Variants in ITGAE observed in about 807,000 individuals in gnomAD.
The protein encoded by ITGAE is integrin alpha-E.
Under a neutral mutation model 136.5 loss-of-function variants are expected in ITGAE, and 99 were observed. That is an observed-to-expected ratio of 0.73 (90% CI 0.62 to 0.86). The LOEUF (loss-of-function observed/expected upper bound fraction) is 0.86. Among genes scored for constraint, ITGAE ranks in the 40% least tolerant of loss-of-function variants. The probability of loss-of-function intolerance (pLI) is 0.00; values close to 1 mark genes in which losing one functional copy is unlikely to be tolerated. For missense variants in ITGAE, 1,447 were observed against 1,515.3 expected, an observed-to-expected ratio of 0.95 and a Z score of 0.75; for synonymous variants, 613 against 591.8, an observed-to-expected ratio of 1.04 and a Z score of -0.52.
chr17:3,754,699 C>T, intron 12 of ITGAE: 1 of 236,794 alleles, frequency 4.2e-6, no homozygotes, highest in Non-Finnish European at 8.5e-6. Flanking sequence ...ATGTGACTGA[C>T]CAGGTCCCGC....
At chr17:3,733,331 A>G (rs2051389906) in intron 21 of ITGAE, among the ~76,000 whole-genome samples, 2 of 152,134 alleles carry the variant, frequency 1.3e-5, no homozygotes, top group South Asian at 4.1e-4. Context: ...TAGCCCAAAT[A>G]GCCTAAGATG....
chr17:3,788,408 G>C (rs2052849838), intron 1 of ITGAE, among the ~76,000 whole-genome samples: 1 of 149,640 alleles, frequency 6.7e-6, no homozygotes, highest in Admixed American at 6.7e-5. Context: ...TCCTGCCTCA[G>C]CCTTTCGAGT....
At chr17:3,759,332 C>G in intron 8 of ITGAE, 70 bp downstream of exon 8, 1 of 1,561,886 alleles carries the variant, frequency 6.4e-7, no homozygotes, top group Non-Finnish European at 8.8e-7. Flanking sequence ...TGGCCAGCCA[C>G]TTCCTCCATG....
rs770258861 is a variant in ITGAE at position 3,731,179 on chromosome 17, T to C, written c.2759A>G (p.His920Arg). The change falls in exon 23 of 31, where the codon CAT becomes CGT. Residue 920 changes from histidine to arginine, a missense_variant. Transcript: ENST00000263087. ...GHPVLKRSSAHVSVVWQLEEN... is the reference protein window; with the variant it reads ...GHPVLKRSSARVSVVWQLEEN... ...CTCTAGCTGCCAAACGACTGAAACA[T>C]GAGCCTATTTTAAAGGGGGAAAAAT... 3.7e-6 allele frequency: 6 copies of C among 1,613,134 alleles called. No individual in the cohort carries two copies. The highest frequency in any genetic ancestry group is 5.1e-6 in the Non-Finnish European group (6 of 1,179,240).
At chr17:3,726,260 G>A in intron 26 of ITGAE, 1 of 1,614,176 alleles carries the variant, frequency 6.2e-7, no homozygotes, top group Non-Finnish European at 8.5e-7. Flanking sequence ...GAAAAATCCA[G>A]GAGTTCCACA....
chr17:3,791,742 T>TG (rs1805856134), intron 1 of ITGAE, among the ~76,000 whole-genome samples: 1 of 152,176 alleles, frequency 6.6e-6, no homozygotes, highest in Admixed American at 6.6e-5. Flanking sequence ...TGAATCAGAA[T>TG]GGGGCTGGGA....
intron 29 of ITGAE, 95 bp from the exon 30 acceptor site, chr17:3,716,893 G>C: frequency 1.4e-6 from 1 of 704,206 alleles, no homozygotes; most frequent in African/African-American, 1.8e-5. Flanking sequence ...CGAGGACTTG[G>C]CAACAACCCG....
intron 1 of ITGAE, among the ~76,000 whole-genome samples, chr17:3,779,606 G>C (rs1177140758): frequency 6.6e-6 from 1 of 152,174 alleles, no homozygotes; most frequent in East Asian, 1.9e-4. Flanking sequence ...TGGGATTACA[G>C]GTGTGAGCCA....
Position 3,724,064 on chromosome 17 carries a change from C to G in ITGAE, c.3085-320G>C, listed in dbSNP as rs775319727. On this transcript the variant is annotated intron_variant, in intron 26 of 30. Transcript: ENST00000263087. ...TCCCGCCGCAGGACCGGAGGCGTTT[C>G]TTCAACAGCAGCGGCAGCAGCGACG... 3.8e-6 allele frequency: 6 copies of G among 1,597,296 alleles called. No homozygotes were observed. The African/African-American group carries it at 6.7e-5, about 18-fold the overall frequency.
rs2051989030 is a variant in ITGAE at position 3,755,181 on chromosome 17, G to A, written c.1320C>T (p.Gly440=). 6.3e-7 allele frequency: 1 copy of A among 1,582,078 alleles called. No homozygotes were observed. The highest frequency in any genetic ancestry group is 8.6e-7 in the Non-Finnish European group (1 of 1,169,556). Residue 440 remains glycine (G), a synonymous_variant, in exon 12 of 31, where the codon GGC becomes GGT. Transcript: ENST00000263087. ...ALLYDTRSRR[G]RFLNQTAAAA... is the part of the protein sequence containing the mutation. The stretch of plus-strand genomic sequence containing the variant: ...CCGCCGCTGTCTGGTTCAGGAAGCG[G>A]CCCCGGCGGCTGCGTGTGTCGTAGA...
intron 22 of ITGAE, among the ~76,000 whole-genome samples, chr17:3,731,745 C>A (rs191146496): frequency 6.6e-6 from 1 of 152,170 alleles, no homozygotes; most frequent in African/African-American, 2.4e-5. Flanking sequence ...TTTCCCACAG[C>A]ACAGAGATGA....
At chr17:3,724,160 G>A (rs1352822174) in intron 26 of ITGAE, 2 of 1,594,390 alleles carry the variant, frequency 1.3e-6, no homozygotes, top group Non-Finnish European at 8.5e-7. Context: ...CCGGCAGCCC[G>A]GTGAGGCGGC....
intron 26 of ITGAE, chr17:3,724,931 G>T: frequency 1.2e-6 from 2 of 1,613,770 alleles, no homozygotes; most frequent in Non-Finnish European, 1.7e-6. Flanking sequence ...ACAGGCTGGA[G>T]AGAACTAGAT....
chr17:3,724,782 G>C, intron 26 of ITGAE: 1 of 1,614,186 alleles, frequency 6.2e-7, no homozygotes. Context: ...TGGACCAGAG[G>C]GTCCAGGTCT....
intron 2 of ITGAE, among the ~76,000 whole-genome samples, chr17:3,771,633 C>T (rs1198021010): frequency 6.6e-6 from 1 of 151,476 alleles, no homozygotes; most frequent in African/African-American, 2.4e-5. Context: ...CTCCGCCTCC[C>T]GGGTTCAAGC....
At chr17:3,727,561 G>A (rs879348405) in intron 26 of ITGAE, among the ~76,000 whole-genome samples, 8 of 151,928 alleles carry the variant, frequency 5.3e-5, no homozygotes, top group South Asian at 2.1e-4. Flanking sequence ...CACCACGCCC[G>A]GAGAATTTTT....
intron 1 of ITGAE, among the ~76,000 whole-genome samples, chr17:3,796,454 C>T (rs539270193): frequency 2.6e-5 from 4 of 152,126 alleles, no homozygotes; most frequent in East Asian, 1.9e-4. Context: ...CTTGGCACCT[C>T]GCTTCCGTCT....
chr17:3,767,951 C>A (rs2052337267), intron 2 of ITGAE, among the ~76,000 whole-genome samples: 1 of 152,146 alleles, frequency 6.6e-6, no homozygotes, highest in African/African-American at 2.4e-5. Flanking sequence ...GGAATGCAGG[C>A]AGCTTCTAGA....
In ITGAE at chr17:3,774,447, G is replaced by C. The variant is rs141173556; in HGVS notation, c.155+3093C>G. On this transcript the variant is annotated intron_variant, in intron 2 of 30. Coordinates refer to ENST00000263087, the MANE Select transcript of ITGAE (RefSeq NM_002208.5). ...AATACATAAACCTTGACCAGATCTGGCTTTAAAACAACACAGCACTAGAAG... is the reference window on the plus strand; with the variant it reads ...AATACATAAACCTTGACCAGATCTGCCTTTAAAACAACACAGCACTAGAAG... 3.7e-4 allele frequency among the ~76,000 whole-genome samples: 56 copies of C among 152,196 alleles called. 1 individual carries two copies. Among genetic ancestry groups the C allele is most frequent in the African/African-American group, 1.3e-3 (54 of 41,520 alleles).
Sources: gnomAD v4.1 joint callset for allele counts (sites outside exome capture counted in the v4.1 genomes callset) on GRCh38, gnomAD v4.1.1 for gene constraint, MANE v1.5 for transcripts, NCBI Gene and HGNC (gene_info 2026-07-23, HGNC 2026-07-21) for gene names.